SPON1: variants seen among roughly 807,000 people sequenced by gnomAD.
The protein encoded by SPON1 is spondin-1.
Under a neutral mutation model 111.7 loss-of-function variants are expected in SPON1, and 52 were observed. The observed-to-expected ratio is 0.47, with a 90% confidence interval of 0.37 to 0.59. SPON1 has a LOEUF of 0.59. Among genes scored for constraint, SPON1 ranks in the 20% least tolerant of loss-of-function variants. The probability of loss-of-function intolerance (pLI) is 0.00; values close to 1 mark genes in which losing one functional copy is unlikely to be tolerated. For missense variants in SPON1, 957 were observed against 1,068.5 expected (o/e 0.90, Z 1.46); for synonymous variants, 410 against 395.8 (o/e 1.04, Z -0.43).
intron 4 of SPON1, 111 bp from the exon 5 acceptor site, chr11:14,079,788 A>G (rs1848946852): frequency 8.5e-7 from 1 of 1,171,122 alleles, no homozygotes. Flanking sequence ...AACTAATGAA[A>G]GCTGCATCTT....
At position 13,963,235 on chromosome 11, in the gene SPON1, G is replaced by C; in HGVS notation, c.238+93G>C. 6.0e-6 allele frequency: 6 copies of C among 1,001,548 alleles called. No individual in the cohort carries two copies. In the South Asian group the frequency reaches 9.4e-5, roughly 16 times the overall value. 62.0% of individuals were successfully genotyped at this position (1,001,548 alleles called of 1,614,324 possible). ...TGCCGGAGGAGGGCGCGCGGTCTCC[G>C]GGCGCGTGGCGCGGGTGCAGCCCGG... On this transcript the variant is annotated intron_variant, in intron 1 of 15. Coordinates refer to ENST00000576479, the MANE Select transcript of SPON1 (RefSeq NM_006108.4).
intron 3 of SPON1, among the ~76,000 whole-genome samples, chr11:14,045,413 T>C (rs1335377107): frequency 6.6e-6 from 1 of 151,618 alleles, no homozygotes; most frequent in Non-Finnish European, 1.5e-5. Context: ...CCCCGTCTCT[T>C]CTAAAAATAC....
intron 7 of SPON1, among the ~76,000 whole-genome samples, chr11:14,244,334 A>G (rs1275693387): frequency 6.6e-6 from 1 of 152,144 alleles, no homozygotes; most frequent in East Asian, 1.9e-4. Context: ...GCTGGCCAAC[A>G]TGGTGAAACT....
intron 1 of SPON1, among the ~76,000 whole-genome samples, chr11:13,968,997 T>G (rs1528657): frequency 0.3 from 44,992 of 152,046 alleles, 6,938 homozygotes; most frequent in South Asian, 0.41. Context: ...TGCATAGTCA[T>G]GTAAAAACAC....
At chr11:14,102,558 A>G (rs1478094024) in intron 5 of SPON1, among the ~76,000 whole-genome samples, 3 of 152,246 alleles carry the variant, frequency 2.0e-5, no homozygotes, top group Non-Finnish European at 4.4e-5. Context: ...ACAGTTTTGT[A>G]GCAAATCAAA....
rs1449525587 is a variant in SPON1 at position 13,962,768 on chromosome 11, T to G, written c.-137T>G. 1.3e-6 allele frequency: 1 copy of G among 777,804 alleles called. No individual in the cohort carries two copies. Among genetic ancestry groups the G allele is most frequent in the Non-Finnish European group, 1.9e-6 (1 of 526,524 alleles). The allele number at this position is 777,804 out of a possible 1,614,324, so 48.2% of individuals were successfully genotyped here. A position where few individuals can be genotyped will look rare whatever the true frequency, so the allele number is the denominator to read the frequency against. On this transcript the variant is annotated 5_prime_UTR_variant, in exon 1 of 16. Coordinates refer to ENST00000576479, the MANE Select transcript of SPON1 (RefSeq NM_006108.4). ...CCGCCAAGCCGAGGCGGGCACGGTC[T>G]CCGAGTCGCGGACGCCAGCTCCGAG... is the stretch of plus-strand genomic sequence containing the variant.
intron 5 of SPON1, among the ~76,000 whole-genome samples, chr11:14,082,873 C>T (rs936712759): frequency 1.3e-5 from 2 of 152,100 alleles, no homozygotes; most frequent in Admixed American, 1.3e-4. Flanking sequence ...ATTGCCAAGC[C>T]CCCCTGTCCT....
intron 1 of SPON1, among the ~76,000 whole-genome samples, chr11:13,978,307 A>G (rs1554909220): frequency 6.6e-6 from 1 of 152,178 alleles, no homozygotes; most frequent in Non-Finnish European, 1.5e-5. Context: ...ATTTTAATTT[A>G]GATTGATGAA....
intron 5 of SPON1, among the ~76,000 whole-genome samples, chr11:14,118,706 C>A (rs1554926221): frequency 6.6e-6 from 1 of 152,144 alleles, no homozygotes; most frequent in African/African-American, 2.4e-5. Flanking sequence ...AAGAACTAAT[C>A]CCGGTGACAG....
At chr11:14,173,035 G>T (rs1554932664) in intron 6 of SPON1, among the ~76,000 whole-genome samples, 2 of 151,738 alleles carry the variant, frequency 1.3e-5, no homozygotes, top group Admixed American at 1.3e-4. Context: ...TTTGAATGTT[G>T]GCCTGCCTCG....
At chr11:14,080,437 T>G (rs1848953712) in intron 5 of SPON1, among the ~76,000 whole-genome samples, 1 of 152,064 alleles carries the variant, frequency 6.6e-6, no homozygotes, top group African/African-American at 2.4e-5. Flanking sequence ...CCATGTTGCC[T>G]GGGCTGGTCT....
chr11:13,983,651 C>T (rs946490439), intron 2 of SPON1, among the ~76,000 whole-genome samples: 47 of 152,266 alleles, frequency 3.1e-4, no homozygotes, highest in African/African-American at 1.1e-3. Context: ...GGAACGTCAT[C>T]CCCTTTCAGA....
At chr11:13,968,283 A>G (rs997261860) in intron 1 of SPON1, among the ~76,000 whole-genome samples, 3 of 152,232 alleles carry the variant, frequency 2.0e-5, no homozygotes, top group Non-Finnish European at 4.4e-5. Context: ...GAGATCCAGC[A>G]TGATGGGAGG....
intron 5 of SPON1, among the ~76,000 whole-genome samples, chr11:14,123,161 G>A (rs1554926689): frequency 2.0e-5 from 3 of 151,928 alleles, no homozygotes; most frequent in African/African-American, 7.3e-5. Context: ...TCAAACTCCT[G>A]TGCTCAAGTG....
chr11:14,179,449 C>T (rs1442412352), intron 6 of SPON1, among the ~76,000 whole-genome samples: 2 of 152,126 alleles, frequency 1.3e-5, no homozygotes, highest in Non-Finnish European at 2.9e-5. Flanking sequence ...CCTTCTCTTC[C>T]CCATCCATTT....
Position 14,185,092 on chromosome 11 carries a change from T to C in SPON1, c.825+49524T>C, listed in dbSNP as rs562276308. ...ATCTCTTGTGCAACCCTCTTAGCCA[T>C]GCAGCATTTCTGCTTAGATACAAGA... On this transcript the variant is annotated intron_variant, in intron 6 of 15. Coordinates refer to ENST00000576479, the MANE Select transcript of SPON1 (RefSeq NM_006108.4). Among the ~76,000 whole-genome samples the C allele has an allele frequency of 2.0e-5, 3 of 152,356 alleles. No individual in the cohort carries two copies. The South Asian group carries it at 6.2e-4, about 32-fold the overall frequency.
At chr11:14,038,065 C>G (rs1158261533) in intron 2 of SPON1, among the ~76,000 whole-genome samples, 5 of 151,668 alleles carry the variant, frequency 3.3e-5, no homozygotes, top group African/African-American at 9.7e-5. Context: ...GCTTGGGAGG[C>G]TGAGGCAGGA....
intron 6 of SPON1, among the ~76,000 whole-genome samples, chr11:14,225,413 C>T (rs1327538885): frequency 6.6e-6 from 1 of 152,124 alleles, no homozygotes; most frequent in Non-Finnish European, 1.5e-5. Context: ...ACAGCATCCT[C>T]TCTCCTTACT....
At chr11:14,010,991 C>T (rs1184127705) in intron 2 of SPON1, among the ~76,000 whole-genome samples, 1 of 152,090 alleles carries the variant, frequency 6.6e-6, no homozygotes, top group African/African-American at 2.4e-5. Context: ...TGTAACATTC[C>T]CCGCTTTTTT....
Sources: gnomAD v4.1 joint callset for allele counts (sites outside exome capture counted in the v4.1 genomes callset) on GRCh38, gnomAD v4.1.1 for gene constraint, MANE v1.5 for transcripts, NCBI Gene and HGNC (gene_info 2026-07-23, HGNC 2026-07-21) for gene names.